The following SPIN1 variants were observed in gnomAD, a reference collection of about 807,000 sequenced individuals.
SPIN1 encodes the protein spindlin-1.
In SPIN1, 3 loss-of-function variants were observed where a neutral mutation model predicts 26.0. The observed-to-expected ratio is 0.12, with a 90% CI of 0.05 to 0.30. The LOEUF (loss-of-function observed/expected upper bound fraction) is 0.30, where lower values mean the gene tolerates loss of function less well. Among genes scored for constraint, SPIN1 ranks in the 10% least tolerant of loss-of-function variants. SPIN1 has a pLI of 1.00. For missense variants in SPIN1, 126 were observed against 333.4 expected, an observed-to-expected ratio of 0.38 and a Z score of 4.84; for synonymous variants, 101 against 116.5, an observed-to-expected ratio of 0.87 and a Z score of 0.86.
chr9:88,475,427 T>A lies in SPIN1; in HGVS notation c.*150T>A. On this transcript the variant is annotated 3_prime_UTR_variant, in exon 6 of 6. Transcript: ENST00000375859. ...GCAGAACTGGTTTTGTTCTGAATAG[T>A]ACAGATTGATGTGAACACAAAGCAT... 1.4e-6 allele frequency: 1 copy of A among 692,170 alleles called. No homozygotes were observed. Among genetic ancestry groups the A allele is most frequent in the Non-Finnish European group, 2.3e-6 (1 of 431,432 alleles). 42.9% of individuals were successfully genotyped at this position (692,170 alleles called of 1,614,324 possible).
intron 3 of SPIN1, among the ~76,000 whole-genome samples, chr9:88,460,736 A>G (rs763142852): frequency 6.6e-6 from 1 of 152,182 alleles, no homozygotes; most frequent in Non-Finnish European, 1.5e-5. Context: ...GTTCTATTCA[A>G]GCCCTTGACA....
chr9:88,475,663 G>T lies in SPIN1; in HGVS notation c.*386G>T. The T allele has an allele frequency of 5.2e-6, 1 of 194,076 alleles. No homozygotes were observed. Among genetic ancestry groups the T allele is most frequent in the Middle Eastern group, 2.3e-3 (1 of 432 alleles). The allele number at this position is 194,076 out of a possible 1,614,324, so 12.0% of individuals were successfully genotyped here. The stretch of plus-strand genomic sequence containing the variant: ...CGTTATTGCCTTTTTTGAGATGTAT[G>T]TATCTGTATCTACCTATATCTATAT... On this transcript the variant is annotated 3_prime_UTR_variant, in exon 6 of 6. Transcript: ENST00000375859.
At chr9:88,461,795 C>T (rs552497424) in intron 3 of SPIN1, among the ~76,000 whole-genome samples, 3 of 152,172 alleles carry the variant, frequency 2.0e-5, no homozygotes, top group African/African-American at 7.2e-5. Context: ...TATAAACATT[C>T]TGTGTGGATT....
chr9:88,396,546 G>A (rs1412047192), intron 1 of SPIN1, among the ~76,000 whole-genome samples: 3 of 152,128 alleles, frequency 2.0e-5, no homozygotes. Flanking sequence ...AGGCTGCAGT[G>A]AGCTGAGATC....
At chr9:88,420,353 G>T (rs1325531249) in intron 1 of SPIN1, among the ~76,000 whole-genome samples, 1 of 152,190 alleles carries the variant, frequency 6.6e-6, no homozygotes, top group Non-Finnish European at 1.5e-5. Context: ...TCCAGCCTGA[G>T]CAACAGGGTG....
intron 2 of SPIN1, 81 bp from the exon 3 acceptor site, chr9:88,448,858 GTT>G (rs1194262798): frequency 6.6e-5 from 89 of 1,353,668 alleles, no homozygotes. Flanking sequence ...CTGTATAGCA[GTT>G]TTTCAGAAGT....
rs569505889 is a variant in SPIN1, at chr9:88,462,846, G to T, written c.355+97G>T. 1.6e-5 allele frequency: 21 copies of T among 1,323,948 alleles called. No homozygotes were observed. The African/African-American group carries it at 2.5e-4, about 16-fold the overall frequency. The allele number at this position is 1,323,948 out of a possible 1,614,324, so 82.0% of individuals were successfully genotyped here. On this transcript the variant is annotated intron_variant, in intron 4 of 5. Transcript: ENST00000375859. Reference sequence around the variant, plus strand: ...ACATTATTAATACTTCACTTTTATTGGAACACAAGCACCCTTCTTGATAAA... The same window carrying T: ...ACATTATTAATACTTCACTTTTATTTGAACACAAGCACCCTTCTTGATAAA...
Position 88,411,377 on chromosome 9 carries a change from C to T in SPIN1, c.-158-15005C>T, listed in dbSNP as rs1827438888. 42 of 1,587,226 alleles carry T rather than the reference C, an allele frequency of 2.6e-5. 1 individual carries two copies. The South Asian group carries it at 4.3e-4, about 16-fold the overall frequency. ...CCATTGCTCAAAATGGCTCCTCAGGCTCTCATCGGTTGTTTCAAAGCTCAA... is the reference window on the plus strand; with the variant it reads ...CCATTGCTCAAAATGGCTCCTCAGGTTCTCATCGGTTGTTTCAAAGCTCAA... On this transcript the variant is annotated intron_variant, in intron 1 of 5. Coordinates refer to ENST00000375859, the MANE Select transcript of SPIN1 (RefSeq NM_006717.3).
intron 4 of SPIN1, among the ~76,000 whole-genome samples, chr9:88,463,370 ATAT>A (rs1270666087): frequency 6.6e-6 from 1 of 152,234 alleles, no homozygotes; most frequent in African/African-American, 2.4e-5. Context: ...ACCCAAACTA[ATAT>A]TACTTTTTTT....
At chr9:88,391,532 C>T (rs762608142) in intron 1 of SPIN1, 2 of 152,344 alleles carry the variant, frequency 1.3e-5, no homozygotes, top group African/African-American at 2.4e-5. Flanking sequence ...TGTTGAGTAA[C>T]AGGTATCTCA....
At chr9:88,460,610 G>A (rs1044238853) in intron 3 of SPIN1, among the ~76,000 whole-genome samples, 1 of 152,212 alleles carries the variant, frequency 6.6e-6, no homozygotes, top group Non-Finnish European at 1.5e-5. Context: ...TGCAGGTCTA[G>A]AACCAGGGGA....
At chr9:88,465,592 A>G (rs1828651917) in intron 4 of SPIN1, among the ~76,000 whole-genome samples, 1 of 152,180 alleles carries the variant, frequency 6.6e-6, no homozygotes, top group African/African-American at 2.4e-5. Flanking sequence ...CTTGTAAATC[A>G]TCTTTGGGGA....
At chr9:88,474,443 G>T (rs1175840032) in intron 5 of SPIN1, among the ~76,000 whole-genome samples, 1 of 152,056 alleles carries the variant, frequency 6.6e-6, no homozygotes, top group African/African-American at 2.4e-5. Flanking sequence ...TAGTTGTCCT[G>T]GGCTGAAGTT....
At chr9:88,472,714 A>G (rs1404815259) in intron 5 of SPIN1, among the ~76,000 whole-genome samples, 1 of 152,172 alleles carries the variant, frequency 6.6e-6, no homozygotes, top group South Asian at 2.1e-4. Flanking sequence ...GATGGTCTCG[A>G]TCTCCTGACC....
chr9:88,388,782 C>T (rs1382193819), intron 1 of SPIN1, among the ~76,000 whole-genome samples: 1 of 150,104 alleles, frequency 6.7e-6, no homozygotes, highest in Non-Finnish European at 1.5e-5. Flanking sequence ...CCTACTCCTC[C>T]GTGCCCCCAT....
chr9:88,410,227 A>C (rs1476724965), intron 1 of SPIN1, among the ~76,000 whole-genome samples: 1 of 149,380 alleles, frequency 6.7e-6, no homozygotes, highest in Non-Finnish European at 1.5e-5. Flanking sequence ...ATTCAGCATC[A>C]TGATCAGACT....
At chr9:88,405,718 T>A (rs752877171) in intron 1 of SPIN1, among the ~76,000 whole-genome samples, 7 of 151,974 alleles carry the variant, frequency 4.6e-5, no homozygotes, top group Non-Finnish European at 1.0e-4. Context: ...GTACTATACT[T>A]TTGTATGACT....
intron 2 of SPIN1, among the ~76,000 whole-genome samples, chr9:88,431,300 T>A (rs938708011): frequency 6.6e-6 from 1 of 151,952 alleles, no homozygotes; most frequent in African/African-American, 2.4e-5. Context: ...CTTTTTTTTT[T>A]TTTGAGATGG....
At chr9:88,433,032 CTTGT>C (rs1422519496) in intron 2 of SPIN1, among the ~76,000 whole-genome samples, 1 of 151,266 alleles carries the variant, frequency 6.6e-6, no homozygotes, top group Non-Finnish European at 1.5e-5. Flanking sequence ...TATTCTCATA[CTTGT>C]TTATTTCATA....
Sources: allele counts gnomAD v4.1 joint callset (sites outside exome capture counted in the v4.1 genomes callset), GRCh38; gene constraint gnomAD v4.1.1; transcripts MANE v1.5; gene names NCBI Gene and HGNC (gene_info 2026-07-23, HGNC 2026-07-21).